Variants in C6orf132 observed in about 807,000 individuals in gnomAD.
C6orf132 encodes the protein uncharacterized protein C6orf132.
C6orf132 carries 43 observed loss-of-function variants against 65.3 expected under a neutral mutation model. The observed-to-expected ratio is 0.66, with a 90% CI of 0.52 to 0.85. C6orf132 has a LOEUF of 0.85. C6orf132 is among the 40% of genes least tolerant of loss of function. The pLI is 0.00. For missense variants in C6orf132, 1,488 were observed against 1,548.8 expected (o/e 0.96, Z 0.66); for synonymous variants, 631 against 654.1 (o/e 0.96, Z 0.54).
chr6:42,132,711 G>C (rs575458773), intron 1 of C6orf132, among the ~76,000 whole-genome samples: 1 of 151,736 alleles, frequency 6.6e-6, no homozygotes, highest in East Asian at 1.9e-4. Flanking sequence ...AGCCGGATGT[G>C]GTGGTGGGCA....
intron 2 of C6orf132, among the ~76,000 whole-genome samples, chr6:42,112,968 C>A (rs1173535145): frequency 1.3e-5 from 2 of 151,268 alleles, no homozygotes; most frequent in Non-Finnish European, 3.0e-5. Context: ...TGGCCTTGAG[C>A]CATCAACTTG....
At chr6:42,122,253 G>C (rs1171407153) in intron 2 of C6orf132, among the ~76,000 whole-genome samples, 1 of 148,794 alleles carries the variant, frequency 6.7e-6, no homozygotes, top group African/African-American at 2.4e-5. Flanking sequence ...GCGGGCCCAG[G>C]TCTGCTCTCT....
At chr6:42,122,604 C>T (rs937319977) in intron 2 of C6orf132, among the ~76,000 whole-genome samples, 7 of 152,204 alleles carry the variant, frequency 4.6e-5, no homozygotes, top group Non-Finnish European at 1.0e-4. Context: ...ACCCTTTGGC[C>T]TAACATCATC....
In C6orf132 at chr6:42,105,844, C is replaced by T; in HGVS notation, c.2068G>A (p.Ala690Thr). 6.5e-7 allele frequency: 1 copy of T among 1,537,272 alleles called. No individual in the cohort carries two copies. Among genetic ancestry groups the T allele is most frequent in the South Asian group, 1.2e-5 (1 of 84,064 alleles). ...AGAGTTGTGGCTGTAGATGCTATGG[C>T]AGGGCCAGATGTGGCCTTGAGTGGT... ...TTPLKATSGP[A>T]IASTATTLPT... The change falls in exon 4 of 5, where the codon GCC becomes ACC. Residue 690 changes from alanine to threonine, a missense_variant. Physicochemically the swap from Ala to Thr is moderately conservative, Grantham distance 58 (BLOSUM62 0). Coordinates refer to ENST00000341865, the MANE Select transcript of C6orf132 (RefSeq NM_001164446.3).
At chr6:42,138,052 C>T (rs566041101) in intron 1 of C6orf132, among the ~76,000 whole-genome samples, 15 of 152,232 alleles carry the variant, frequency 9.9e-5, no homozygotes, top group South Asian at 4.2e-4. Context: ...ATCGAGACTC[C>T]GTCTCAAAAA....
At chr6:42,123,415 GA>G (rs1562038621) in intron 2 of C6orf132, among the ~76,000 whole-genome samples, 4 of 143,170 alleles carry the variant, frequency 2.8e-5, no homozygotes, top group African/African-American at 1.1e-4. Context: ...AGAAGAAGAA[GA>G]AAGAAGAAAG....
At chr6:42,142,202 G>A in intron 1 of C6orf132, 98 bp downstream of exon 1, 4 of 1,355,908 alleles carry the variant, frequency 3.0e-6, no homozygotes, top group South Asian at 2.8e-5. Flanking sequence ...AGGTTCCAAC[G>A]TGTCCCTCCC....
In C6orf132 at chr6:42,104,707, C is replaced by A; in HGVS notation, c.3205G>T (p.Gly1069Trp). 2 of 1,523,000 alleles carry A rather than the reference C, an allele frequency of 1.3e-6. No individual in the cohort carries two copies. The highest frequency in any genetic ancestry group is 1.8e-6 in the Non-Finnish European group (2 of 1,141,600). 94.3% of individuals were successfully genotyped at this position (1,523,000 alleles called of 1,614,324 possible). ...RSLIKKRLYV[G>W]EPHRGPGLPH... ...AGCCCTGGGCCTCGGTGCGGCTCCC[C>A]GACGTACAGGCGCTTCTTTATGAGC... Residue 1069 changes from glycine to tryptophan, a missense_variant, in exon 4 of 5, where the codon GGG becomes TGG. Transcript: ENST00000341865. The surrounding 1 kb of genome is among the most constrained non-coding windows in gnomAD (Gnocchi z 4.1).
intron 1 of C6orf132, among the ~76,000 whole-genome samples, chr6:42,131,131 C>G (rs1309029186): frequency 1.3e-5 from 2 of 151,442 alleles, no homozygotes; most frequent in African/African-American, 2.4e-5. Flanking sequence ...GGTGATCTAC[C>G]CACCTTGGCC....
At chr6:42,133,166 A>G (rs1766880507) in intron 1 of C6orf132, among the ~76,000 whole-genome samples, 1 of 152,184 alleles carries the variant, frequency 6.6e-6, no homozygotes, top group Non-Finnish European at 1.5e-5. Context: ...CCTTCCTGAG[A>G]AGCAGCTCCC....
rs1049246840 is a variant in C6orf132 at position 42,103,087 on chromosome 6, A to G, written c.*674T>C. The G allele has an allele frequency of 1.8e-5, 7 of 398,418 alleles. No individual in the cohort carries two copies. Among genetic ancestry groups the G allele is most frequent in the African/African-American group, 1.2e-4 (6 of 48,570 alleles). The allele number at this position is 398,418 out of a possible 1,614,324, so 24.7% of individuals were successfully genotyped here. A position where few individuals can be genotyped will look rare whatever the true frequency, so the allele number is the denominator to read the frequency against. ...AGGGCCAAGGAAAAATGAACCATCA[A>G]TCTCCCACCTCTGCCCTTGGCCAAT... is the stretch of plus-strand genomic sequence containing the variant. On this transcript the variant is annotated 3_prime_UTR_variant, in exon 5 of 5. Coordinates refer to ENST00000341865, the MANE Select transcript of C6orf132 (RefSeq NM_001164446.3).
At chr6:42,138,160 G>A (rs1231811913) in intron 1 of C6orf132, among the ~76,000 whole-genome samples, 1 of 152,172 alleles carries the variant, frequency 6.6e-6, no homozygotes, top group Non-Finnish European at 1.5e-5. Context: ...TTTTTTGGGT[G>A]GGGGAGGACA....
At chr6:42,123,464 A>G (rs1460187213) in intron 2 of C6orf132, among the ~76,000 whole-genome samples, 1 of 117,588 alleles carries the variant, frequency 8.5e-6, no homozygotes, top group Admixed American at 8.6e-5. Context: ...AAGGAGAAGG[A>G]GAAGAAGGAG....
At chr6:42,117,333 C>T (rs1476338896) in intron 2 of C6orf132, among the ~76,000 whole-genome samples, 2 of 152,134 alleles carry the variant, frequency 1.3e-5, no homozygotes, top group African/African-American at 4.8e-5. Flanking sequence ...AAAACTGAAG[C>T]ACAGAGGGCT....
rs1766389407 is a variant in C6orf132 at position 42,105,663 on chromosome 6, G to A, written c.2249C>T (p.Ser750Leu). The change falls in exon 4 of 5, where the codon TCA becomes TTA. Residue 750 changes from serine to leucine, a missense_variant. By Grantham distance (145) the Ser-to-Leu change is moderately radical (BLOSUM62 -2). Transcript: ENST00000341865. ...ATRLPTQGAR[S>L]SAAFPPKTSP... ...TGTCTTTGGTGGGAAGGCTGCAGAT[G>A]AGCGGGCTCCCTGTGTGGGCAGCCT... The A allele has an allele frequency of 6.5e-7, 1 of 1,537,160 alleles. No individual in the cohort carries two copies. The highest frequency in any genetic ancestry group is 1.4e-5 in the African/African-American group (1 of 73,078).
In C6orf132 at chr6:42,103,136, T is replaced by C; in HGVS notation, c.*625A>G. ...ATGCAAAGGGCTTCCATTCCACATG[T>C]GGGAGCTTCACTCCCCACCCCACAC... On this transcript the variant is annotated 3_prime_UTR_variant, in exon 5 of 5. Transcript: ENST00000341865. 1 of 398,722 alleles carries C rather than the reference T, an allele frequency of 2.5e-6. No homozygotes were observed. The highest frequency in any genetic ancestry group is 4.4e-6 in the Non-Finnish European group (1 of 226,102). The allele number at this position is 398,722 out of a possible 1,614,324, so 24.7% of individuals were successfully genotyped here.
At chr6:42,130,954 C>T (rs1370687093) in intron 1 of C6orf132, among the ~76,000 whole-genome samples, 3 of 152,086 alleles carry the variant, frequency 2.0e-5, no homozygotes, top group African/African-American at 7.2e-5. Context: ...GGCATGATCT[C>T]GGCTCAGTGC....
rs1160612436 is a variant in C6orf132, at chr6:42,107,358, C to G, written c.554G>C (p.Ser185Thr). The change falls in exon 4 of 5, where the codon AGC becomes ACC. Residue 185 changes from serine to threonine, a missense_variant. Transcript: ENST00000341865. ...TACTGGGGGTGGAGGTGGGGCCATG[C>G]TGGGCGGGGGTGGGGGTTCCAGCAG... ...PLLLEPPPPPSMAPPPPPVLE... is the reference protein window; with the variant it reads ...PLLLEPPPPPTMAPPPPPVLE... 3.5e-5 allele frequency: 11 copies of G among 315,534 alleles called. No individual in the cohort carries two copies. The highest frequency in any genetic ancestry group is 9.4e-4 in the Middle Eastern group (1 of 1,062). The allele number at this position is 315,534 out of a possible 1,614,324, so 19.5% of individuals were successfully genotyped here. A position where few individuals can be genotyped will look rare whatever the true frequency, so the allele number is the denominator to read the frequency against.
At chr6:42,110,182 A>G in intron 3 of C6orf132, 34 bp downstream of exon 3, 1 of 1,522,758 alleles carries the variant, frequency 6.6e-7, no homozygotes, top group East Asian at 2.5e-5. Flanking sequence ...GAGGAAAGAA[A>G]GATGGACAAG....
Sources: gnomAD v4.1 joint callset for allele counts (sites outside exome capture counted in the v4.1 genomes callset) on GRCh38, gnomAD v4.1.1 for gene constraint, Gnocchi (gnomAD v3.1) non-coding constraint, MANE v1.5 for transcripts, NCBI Gene and HGNC (gene_info 2026-07-23, HGNC 2026-07-21) for gene names.